Variants in B3GALT1 observed in about 807,000 individuals in gnomAD.
B3GALT1 encodes beta-1,3-galactosyltransferase 1, also known as UDP-Gal:betaGlcNAc beta 1,3-galactosyltransferase, polypeptide 1.
Under a neutral mutation model 23.2 loss-of-function variants are expected in B3GALT1, and 10 were observed. That is an observed-to-expected ratio of 0.43 (90% CI 0.27 to 0.73). The LOEUF is 0.73. Among genes scored for constraint, B3GALT1 ranks in the 30% least tolerant of loss-of-function variants. B3GALT1 has a pLI of 0.21. For synonymous variants in B3GALT1, 156 were observed against 141.5 expected (o/e 1.10, Z -0.73); for missense variants, 299 against 405.4 (o/e 0.74, Z 2.25).
chr2:167,563,152 G>A (rs76360955), intron 2 of B3GALT1, among the ~76,000 whole-genome samples: 74,197 of 150,756 alleles, frequency 0.49, 21,031 homozygotes, highest in East Asian at 0.98. Flanking sequence ...CCCGGTCTCA[G>A]TGAGCCGCTG....
At chr2:167,534,874 A>T (rs1683391005) in intron 2 of B3GALT1, among the ~76,000 whole-genome samples, 1 of 152,210 alleles carries the variant, frequency 6.6e-6, no homozygotes, top group Non-Finnish European at 1.5e-5. Context: ...AATATTTATT[A>T]AGCATTTGTG....
chr2:167,654,951 A>G (rs573830574), intron 3 of B3GALT1, among the ~76,000 whole-genome samples: 21 of 152,250 alleles, frequency 1.4e-4, no homozygotes, highest in Admixed American at 6.5e-4. Flanking sequence ...ATGAAGGCCC[A>G]TGTAAGAGAA....
chr2:167,537,040 G>C (rs1215808571), intron 2 of B3GALT1, among the ~76,000 whole-genome samples: 2 of 152,106 alleles, frequency 1.3e-5, no homozygotes, highest in African/African-American at 4.8e-5. Flanking sequence ...GTATTAGTCT[G>C]TTCTCACACT....
chr2:167,365,540 T>C (rs1274938050), intron 1 of B3GALT1, among the ~76,000 whole-genome samples: 1 of 151,244 alleles, frequency 6.6e-6, no homozygotes, highest in Admixed American at 6.6e-5. Flanking sequence ...TATAAGAAGA[T>C]CGTATCTTTT....
intron 2 of B3GALT1, among the ~76,000 whole-genome samples, chr2:167,538,441 G>A (rs1376665596): frequency 1.3e-5 from 2 of 152,132 alleles, no homozygotes; most frequent in Non-Finnish European, 2.9e-5. Context: ...GAATAGTAGG[G>A]TGGTTGAGGA....
chr2:167,847,948 G>A (rs1369750877), intron 4 of B3GALT1, among the ~76,000 whole-genome samples: 1 of 151,504 alleles, frequency 6.6e-6, no homozygotes, highest in Non-Finnish European at 1.5e-5. Flanking sequence ...ATTATTCAAG[G>A]CTACTATGAA....
rs553098268 is a variant in B3GALT1, at chr2:167,626,989, G to T, written c.-409-19920G>T. On this transcript the variant is annotated intron_variant, in intron 2 of 4. Transcript: ENST00000392690. Reference sequence around the variant, plus strand: ...GTGTATGTTTTCACATTTACACAGTGATTTCATTAATATCTGCCTAGATGA... The same window carrying T: ...GTGTATGTTTTCACATTTACACAGTTATTTCATTAATATCTGCCTAGATGA... Among the ~76,000 whole-genome samples the T allele has an allele frequency of 6.9e-4, 105 of 151,762 alleles. 1 individual carries two copies. Among genetic ancestry groups the T allele is most frequent in the African/African-American group, 2.5e-3 (102 of 41,504 alleles).
chr2:167,538,938 T>C (rs893840154), intron 2 of B3GALT1, among the ~76,000 whole-genome samples: 12 of 152,192 alleles, frequency 7.9e-5, no homozygotes, highest in Non-Finnish European at 1.6e-4. Context: ...TAATTGTACC[T>C]CACATTCTGT....
intron 3 of B3GALT1, among the ~76,000 whole-genome samples, chr2:167,731,050 G>T (rs1217401610): frequency 6.6e-6 from 1 of 152,116 alleles, no homozygotes; most frequent in Non-Finnish European, 1.5e-5. Flanking sequence ...GTGCAGTAGG[G>T]ACTTGAACCC....
chr2:167,868,565 C>G (rs1690279878), intron 4 of B3GALT1, among the ~76,000 whole-genome samples: 1 of 151,416 alleles, frequency 6.6e-6, no homozygotes, highest in South Asian at 2.1e-4. Flanking sequence ...CCGCTTACTT[C>G]ACCTTCATCT....
At chr2:167,376,928 G>A (rs1257210331) in intron 1 of B3GALT1, among the ~76,000 whole-genome samples, 3 of 152,098 alleles carry the variant, frequency 2.0e-5, no homozygotes, top group Non-Finnish European at 4.4e-5. Flanking sequence ...TAGATGTGAT[G>A]ATAGATCATT....
chr2:167,800,971 A>C (rs1688629429), intron 3 of B3GALT1, among the ~76,000 whole-genome samples: 3 of 152,240 alleles, frequency 2.0e-5, no homozygotes, highest in Admixed American at 2.0e-4. Flanking sequence ...TGATTTCAAA[A>C]GAGCCACTCA....
At chr2:167,775,451 C>T (rs1388819425) in intron 3 of B3GALT1, among the ~76,000 whole-genome samples, 1 of 151,798 alleles carries the variant, frequency 6.6e-6, no homozygotes, top group African/African-American at 2.4e-5. Context: ...TGCCTGTAGT[C>T]CCAGCTATTC....
In B3GALT1 at chr2:167,512,606, ATG is replaced by A. The variant is rs1486067221; in HGVS notation, c.-410+22331_-410+22332del. Among the ~76,000 whole-genome samples the A allele has an allele frequency of 4.0e-4, 38 of 95,292 alleles. 2 individuals are homozygous for A. Among genetic ancestry groups the A allele is most frequent in the East Asian group, 2.1e-3 (4 of 1,938 alleles). The allele number at this position is 95,292 out of a possible 152,430, so 62.5% of individuals were successfully genotyped here. A position where few individuals can be genotyped will look rare whatever the true frequency, so the allele number is the denominator to read the frequency against. On this transcript the variant is annotated intron_variant, in intron 2 of 4. Transcript: ENST00000392690. ...TATATATATATGTGTATATATATAT[ATG>A]TATATATATATACGTGTATATATAT... is the stretch of plus-strand genomic sequence containing the variant.
chr2:167,328,820 A>G (rs1696932023), intron 1 of B3GALT1, among the ~76,000 whole-genome samples: 1 of 150,032 alleles, frequency 6.7e-6, no homozygotes, highest in Non-Finnish European at 1.5e-5. Context: ...TACTTTTTTT[A>G]TTTTATTTTT....
intron 1 of B3GALT1, among the ~76,000 whole-genome samples, chr2:167,300,245 CT>C (rs1696423785): frequency 1.3e-5 from 2 of 152,146 alleles, no homozygotes; most frequent in Non-Finnish European, 2.9e-5. Flanking sequence ...TATTTCAATG[CT>C]GCCTGAAAAT....
chr2:167,438,737 A>G (rs989072493), intron 1 of B3GALT1, among the ~76,000 whole-genome samples: 4 of 152,250 alleles, frequency 2.6e-5, no homozygotes, highest in African/African-American at 9.6e-5. Context: ...ATACTGAGCT[A>G]GAAAACTACT....
At chr2:167,531,537 ATTTC>A (rs1683327017) in intron 2 of B3GALT1, among the ~76,000 whole-genome samples, 1 of 152,160 alleles carries the variant, frequency 6.6e-6, no homozygotes, top group African/African-American at 2.4e-5. Flanking sequence ...TGATTCAATT[ATTTC>A]TTTCTTTAAC....
At chr2:167,855,965 A>T (rs925902645) in intron 4 of B3GALT1, among the ~76,000 whole-genome samples, 1 of 152,164 alleles carries the variant, frequency 6.6e-6, no homozygotes, top group Non-Finnish European at 1.5e-5. Flanking sequence ...ACAACAAAAA[A>T]AATAGCCTCA....
Sources: allele counts gnomAD v4.1 joint callset (sites outside exome capture counted in the v4.1 genomes callset), GRCh38; gene constraint gnomAD v4.1.1; transcripts MANE v1.5; gene names NCBI Gene and HGNC (gene_info 2026-07-23, HGNC 2026-07-21).